HS3ST4: variants seen among roughly 807,000 people sequenced by gnomAD.
HS3ST4 encodes heparan sulfate glucosamine 3-O-sulfotransferase 4.
Under a neutral mutation model 29.2 loss-of-function variants are expected in HS3ST4, and 17 were observed. That is an observed-to-expected ratio of 0.58 (90% CI 0.40 to 0.87). HS3ST4 has a LOEUF of 0.87. Ranked by LOEUF, HS3ST4 falls within the 40% of genes least tolerant of loss-of-function variation. The pLI, the probability that HS3ST4 is intolerant of heterozygous loss-of-function variation, is 0.00. For missense variants in HS3ST4, 627 were observed against 634.5 expected (o/e 0.99, Z 0.13); for synonymous variants, 314 against 285.7 (o/e 1.10, Z -1.00).
chr16:25,702,693 C>T (rs768335258), intron 1 of HS3ST4, among the ~76,000 whole-genome samples: 6 of 152,112 alleles, frequency 3.9e-5, no homozygotes, highest in Non-Finnish European at 8.8e-5. Flanking sequence ...TATGGGATAT[C>T]CTTCCTTTGC....
intron 1 of HS3ST4, among the ~76,000 whole-genome samples, chr16:26,052,161 GAGGCC>G (rs1898356122): frequency 6.6e-6 from 1 of 152,042 alleles, no homozygotes; most frequent in South Asian, 2.1e-4. Flanking sequence ...ACTGCTCAGA[GAGGCC>G]AAGAAAAATC....
At chr16:25,936,869 G>A (rs573825627) in intron 1 of HS3ST4, among the ~76,000 whole-genome samples, 7 of 152,346 alleles carry the variant, frequency 4.6e-5, no homozygotes, top group Non-Finnish European at 1.0e-4. Context: ...TCACGTAGCA[G>A]GCAAGATAGA....
At position 25,790,805 on chromosome 16, in the gene HS3ST4, T is replaced by C. The variant is rs1040461806; in HGVS notation, c.734+97654T>C. 1.8e-4 allele frequency among the ~76,000 whole-genome samples: 27 copies of C among 152,246 alleles called. 1 individual carries two copies. ...ACATATTCTGGGTAAAAGTCCTTTG[T>C]TGGATATAATTATTGAAAATATATT... On this transcript the variant is annotated intron_variant, in intron 1 of 1. Coordinates refer to ENST00000331351, the MANE Select transcript of HS3ST4 (RefSeq NM_006040.3).
rs565233563 is a variant in HS3ST4 at position 26,040,296 on chromosome 16, C to CT, written c.735-95299dup. Among the ~76,000 whole-genome samples, 970 of 135,678 alleles carry CT rather than the reference C, an allele frequency of 7.1e-3. 7 individuals carry two copies. The highest frequency in any genetic ancestry group is 0.021 in the South Asian group (89 of 4,246). 89.0% of individuals were successfully genotyped at this position (135,678 alleles called of 152,430 possible). ...CCTATTGCTGTCAGTATCTTTCTTT[C>CT]TTTTTTTTTTTTTTTTTGAGACGGA... On this transcript the variant is annotated intron_variant, in intron 1 of 1. Coordinates refer to ENST00000331351, the MANE Select transcript of HS3ST4 (RefSeq NM_006040.3).
At chr16:25,873,320 A>ATCCATCCT (rs1967778409) in intron 1 of HS3ST4, among the ~76,000 whole-genome samples, 1 of 87,342 alleles carries the variant, frequency 1.1e-5, no homozygotes, top group Non-Finnish European at 2.6e-5. Context: ...CCATCCATCC[A>ATCCATCCT]TCCTTCCTTC....
chr16:25,877,793 A>G (rs1343825068), intron 1 of HS3ST4, among the ~76,000 whole-genome samples: 1 of 152,166 alleles, frequency 6.6e-6, no homozygotes, highest in East Asian at 1.9e-4. Flanking sequence ...TACTACAGAG[A>G]GTTCTTCCTT....
intron 1 of HS3ST4, among the ~76,000 whole-genome samples, chr16:25,894,729 C>T (rs1444907236): frequency 6.6e-6 from 1 of 152,100 alleles, no homozygotes; most frequent in Non-Finnish European, 1.5e-5. Context: ...TGGTCTCGAA[C>T]TCCGGACCTC....
Position 25,918,953 on chromosome 16 carries a change from G to C in HS3ST4, c.735-216659G>C, listed in dbSNP as rs1260884679. Among the ~76,000 whole-genome samples, 14 of 152,304 alleles carry C rather than the reference G, an allele frequency of 9.2e-5. No individual in the cohort carries two copies. The East Asian group carries it at 2.5e-3, about 27-fold the overall frequency. On this transcript the variant is annotated intron_variant, in intron 1 of 1. Transcript: ENST00000331351. ...ACAGACTGTCACCCTGTGGGAATAG[G>C]AGCTTTGTGTTAACAAATCTTTCCA...
intron 1 of HS3ST4, among the ~76,000 whole-genome samples, chr16:25,925,669 A>G (rs1054221254): frequency 1.3e-5 from 2 of 152,184 alleles, no homozygotes; most frequent in Admixed American, 6.5e-5. Flanking sequence ...CTCATGTCCT[A>G]TGAGGGGATT....
At chr16:25,960,002 G>A (rs931197093) in intron 1 of HS3ST4, among the ~76,000 whole-genome samples, 1 of 152,172 alleles carries the variant, frequency 6.6e-6, no homozygotes, top group Admixed American at 6.5e-5. Context: ...GGAGCATGGT[G>A]TTGGGTGCCT....
intron 1 of HS3ST4, among the ~76,000 whole-genome samples, chr16:26,032,041 A>G (rs1467555807): frequency 6.6e-6 from 1 of 152,108 alleles, no homozygotes; most frequent in East Asian, 1.9e-4. Context: ...TAGAAATGGA[A>G]CCACTGCTCT....
In HS3ST4 at chr16:25,978,480, G is replaced by A. The variant is rs541215006; in HGVS notation, c.735-157132G>A. 1.5e-4 allele frequency among the ~76,000 whole-genome samples: 23 copies of A among 152,356 alleles called. 1 individual carries two copies. Among genetic ancestry groups the A allele is most frequent in the South Asian group, 1.0e-3 (5 of 4,830 alleles). Reference sequence around the variant, plus strand: ...TGTATGACAAAGACAGATGGTGACTGGATTTGGCCAGGGGCCATAGCTCAC... The same window carrying A: ...TGTATGACAAAGACAGATGGTGACTAGATTTGGCCAGGGGCCATAGCTCAC... On this transcript the variant is annotated intron_variant, in intron 1 of 1. Coordinates refer to ENST00000331351, the MANE Select transcript of HS3ST4 (RefSeq NM_006040.3).
At chr16:25,876,949 C>T (rs946006519) in intron 1 of HS3ST4, among the ~76,000 whole-genome samples, 1 of 152,060 alleles carries the variant, frequency 6.6e-6, no homozygotes, top group African/African-American at 2.4e-5. Flanking sequence ...CTTTGAGACT[C>T]ACCAGAAGAA....
intron 1 of HS3ST4, among the ~76,000 whole-genome samples, chr16:25,860,477 G>C (rs115858421): frequency 0.02 from 3,005 of 152,100 alleles, 95 homozygotes; most frequent in African/African-American, 0.066. Context: ...CAGTAGTTTT[G>C]GATACACAGT....
At chr16:25,767,466 TGGG>T (rs1212128369) in intron 1 of HS3ST4, among the ~76,000 whole-genome samples, 1 of 151,592 alleles carries the variant, frequency 6.6e-6, no homozygotes, top group Non-Finnish European at 1.5e-5. Flanking sequence ...CCATGGGAGG[TGGG>T]GGGTGACAGT....
chr16:25,930,209 A>G (rs1248185334), intron 1 of HS3ST4, among the ~76,000 whole-genome samples: 1 of 152,160 alleles, frequency 6.6e-6, no homozygotes, highest in African/African-American at 2.4e-5. Flanking sequence ...CATATGAAGA[A>G]CATGCTTCTG....
intron 1 of HS3ST4, among the ~76,000 whole-genome samples, chr16:25,858,923 A>C (rs185106436): frequency 1.1e-4 from 16 of 152,226 alleles, no homozygotes; most frequent in Admixed American, 6.6e-4. Flanking sequence ...TCGAGAATAC[A>C]CCAGAAACCT....
At chr16:26,024,140 C>T (rs1470823424) in intron 1 of HS3ST4, among the ~76,000 whole-genome samples, 1 of 150,944 alleles carries the variant, frequency 6.6e-6, no homozygotes, top group African/African-American at 2.4e-5. Context: ...AGGAGAATCG[C>T]TTGAACCCGG....
rs775480775 is a variant in HS3ST4, at chr16:25,692,918, C to T, written c.501C>T (p.Thr167=). ...GGGAAGCGCAGGAGTCCAGCACCAC[C>T]GACGAGGATCTCGCAGGCCGGAGAG... ...PEREAQESST[T]DEDLAGRRAA... The change falls in exon 1 of 2, where the codon ACC becomes ACT. Residue 167 remains threonine (T), a synonymous_variant. Coordinates refer to ENST00000331351, the MANE Select transcript of HS3ST4 (RefSeq NM_006040.3). The T allele has an allele frequency of 3.1e-6, 5 of 1,601,752 alleles. No individual in the cohort carries two copies. The highest frequency in any genetic ancestry group is 4.3e-6 in the Non-Finnish European group (5 of 1,175,116).
Sources: gnomAD v4.1 joint callset for allele counts (sites outside exome capture counted in the v4.1 genomes callset) on GRCh38, gnomAD v4.1.1 for gene constraint, MANE v1.5 for transcripts, NCBI Gene and HGNC (gene_info 2026-07-23, HGNC 2026-07-21) for gene names.